Variants in XKR6 observed in about 807,000 individuals in gnomAD.
The protein encoded by XKR6 is XK related 6.
A neutral mutation model predicts 56.7 loss-of-function variants in XKR6; 22 were observed. The ratio of observed to expected loss-of-function variants is 0.39; its 90% CI spans 0.28 to 0.55. The LOEUF (loss-of-function observed/expected upper bound fraction) is 0.55, where lower values mean the gene tolerates loss of function less well. Ranked by LOEUF, XKR6 falls within the 20% of genes least tolerant of loss-of-function variation. The pLI is 0.66. For missense variants in XKR6, 852 were observed against 889.0 expected (o/e 0.96, Z 0.53); for synonymous variants, 524 against 387.8 (o/e 1.35, Z -4.13).
At chr8:11,032,946 T>C (rs911089836) in intron 1 of XKR6, among the ~76,000 whole-genome samples, 1 of 152,098 alleles carries the variant, frequency 6.6e-6, no homozygotes, top group African/African-American at 2.4e-5. Context: ...ACAACGATGA[T>C]GATGGTACCG....
intron 1 of XKR6, among the ~76,000 whole-genome samples, chr8:11,145,149 T>G (rs1349889721): frequency 9.9e-5 from 15 of 151,986 alleles, no homozygotes; most frequent in Non-Finnish European, 5.9e-5. Context: ...GACATGATAC[T>G]CAAAGGAAAT....
intron 1 of XKR6, among the ~76,000 whole-genome samples, chr8:10,963,444 C>G (rs1563314958): frequency 1.3e-5 from 2 of 152,250 alleles, no homozygotes. Context: ...TGCCTCCAGT[C>G]TTCCTGCTGT....
At chr8:11,168,054 A>C (rs1293101984) in intron 1 of XKR6, among the ~76,000 whole-genome samples, 1 of 152,170 alleles carries the variant, frequency 6.6e-6, no homozygotes, top group Non-Finnish European at 1.5e-5. Flanking sequence ...AACCAAAAAC[A>C]ACAAAAAAAG....
intron 1 of XKR6, among the ~76,000 whole-genome samples, chr8:11,135,513 T>C (rs1800343638): frequency 6.6e-6 from 1 of 152,228 alleles, no homozygotes; most frequent in Non-Finnish European, 1.5e-5. Flanking sequence ...GAAAGATGAC[T>C]TTTACTATAG....
chr8:11,061,758 C>T (rs1488828893), intron 1 of XKR6, among the ~76,000 whole-genome samples: 1 of 152,180 alleles, frequency 6.6e-6, no homozygotes, highest in African/African-American at 2.4e-5. Context: ...GCCCATTAAA[C>T]CCACTTGGCC....
chr8:10,909,112 G>C (rs1270585907), intron 2 of XKR6, among the ~76,000 whole-genome samples: 1 of 151,894 alleles, frequency 6.6e-6, no homozygotes, highest in African/African-American at 2.4e-5. Flanking sequence ...GTTGCAGTGA[G>C]CTGAGATTGC....
chr8:11,046,080 C>T (rs1425725912), intron 1 of XKR6, among the ~76,000 whole-genome samples: 4 of 151,958 alleles, frequency 2.6e-5, no homozygotes, highest in South Asian at 2.1e-4. Flanking sequence ...ATCCCACTTC[C>T]GGGTATATAC....
At chr8:11,095,014 C>T (rs1798222044) in intron 1 of XKR6, among the ~76,000 whole-genome samples, 2 of 152,138 alleles carry the variant, frequency 1.3e-5, no homozygotes, top group Non-Finnish European at 2.9e-5. Context: ...ACCTGCACAT[C>T]CTGCACATGT....
intron 1 of XKR6, among the ~76,000 whole-genome samples, chr8:10,970,497 G>A (rs1289332496): frequency 2.6e-5 from 4 of 151,994 alleles, no homozygotes; most frequent in Non-Finnish European, 4.4e-5. Flanking sequence ...GCACTCCTTG[G>A]AGGATCTGCA....
At chr8:11,083,596 G>A (rs955696378) in intron 1 of XKR6, among the ~76,000 whole-genome samples, 4 of 152,226 alleles carry the variant, frequency 2.6e-5, no homozygotes. Context: ...GGGGGCCTGG[G>A]GATGCTTCAA....
chr8:11,197,938 T>C (rs1803981111), intron 1 of XKR6, among the ~76,000 whole-genome samples: 2 of 152,082 alleles, frequency 1.3e-5, no homozygotes, highest in Non-Finnish European at 2.9e-5. Context: ...TATTCACGGG[T>C]TAATGGAATC....
intron 1 of XKR6, among the ~76,000 whole-genome samples, chr8:11,132,763 G>GCACACACACA (rs1202405406): frequency 2.5e-5 from 2 of 80,860 alleles, no homozygotes; most frequent in Non-Finnish European, 5.1e-5. Flanking sequence ...ACACACACAC[G>GCACACACACA]CACGCACACA....
intron 1 of XKR6, among the ~76,000 whole-genome samples, chr8:11,178,514 C>G (rs1359576637): frequency 1.5e-5 from 2 of 137,914 alleles, no homozygotes; most frequent in African/African-American, 2.7e-5. Context: ...AAAACCACAC[C>G]AAATTTTTAA....
At chr8:10,954,915 C>G (rs1194435710) in intron 1 of XKR6, among the ~76,000 whole-genome samples, 1 of 130,110 alleles carries the variant, frequency 7.7e-6, no homozygotes, top group African/African-American at 3.0e-5. Flanking sequence ...TTCTCCCAGG[C>G]TGAAGTGCAG....
intron 1 of XKR6, among the ~76,000 whole-genome samples, chr8:11,109,973 TTTTG>T (rs985506899): frequency 2.0e-4 from 31 of 152,272 alleles, no homozygotes; most frequent in African/African-American, 2.9e-4. Flanking sequence ...GTTTTTTTGT[TTTTG>T]TTTGTTTGTC....
intron 2 of XKR6, among the ~76,000 whole-genome samples, chr8:10,918,786 A>G (rs775435214): frequency 3.3e-5 from 5 of 152,166 alleles, no homozygotes; most frequent in Non-Finnish European, 7.4e-5. Flanking sequence ...ACACCCAGTG[A>G]GAAACCACCA....
rs549951755 is a variant in XKR6, at chr8:11,034,931, C to T, written c.765-110101G>A. On this transcript the variant is annotated intron_variant, in intron 1 of 2. Coordinates refer to ENST00000416569, the MANE Select transcript of XKR6 (RefSeq NM_173683.4). The stretch of plus-strand genomic sequence containing the variant: ...TGCGGTGTGATACTAATGTACTAGC[C>T]AAACCCTGAGAGGCCACATATGGTG... Among the ~76,000 whole-genome samples the T allele has an allele frequency of 4.6e-5, 7 of 152,332 alleles. No homozygotes were observed. The South Asian group carries it at 1.4e-3, about 32-fold the overall frequency.
chr8:11,036,366 C>T (rs1171522207), intron 1 of XKR6, among the ~76,000 whole-genome samples: 1 of 152,204 alleles, frequency 6.6e-6, no homozygotes, highest in East Asian at 1.9e-4. Context: ...TAGAGGAAGC[C>T]ACTGTGCCCC....
intron 1 of XKR6, among the ~76,000 whole-genome samples, chr8:11,045,829 C>G (rs4141827): frequency 0.044 from 6,719 of 152,190 alleles, 433 homozygotes; most frequent in African/African-American, 0.15. Flanking sequence ...AGAAAGTAAA[C>G]GTTTACTGTG....
Sources: gnomAD v4.1 joint callset for allele counts (sites outside exome capture counted in the v4.1 genomes callset) on GRCh38, gnomAD v4.1.1 for gene constraint, MANE v1.5 for transcripts, NCBI Gene and HGNC (gene_info 2026-07-23, HGNC 2026-07-21) for gene names.